The following SMCO2 variants were observed in gnomAD, a reference collection of about 807,000 sequenced individuals.
SMCO2 encodes the protein single-pass membrane protein with coiled-coil domains 2.
SMCO2 carries 25 observed loss-of-function variants against 29.5 expected under a neutral mutation model. That is an observed-to-expected ratio of 0.85 (90% CI 0.62 to 1.18). SMCO2 has a LOEUF of 1.18. Ranked by LOEUF, SMCO2 falls within the 50% of genes most tolerant of loss-of-function variation. SMCO2 has a pLI of 0.00. For missense variants in SMCO2, 348 were observed against 344.5 expected, an observed-to-expected ratio of 1.01 and a Z score of -0.08; for synonymous variants, 117 against 123.3, an observed-to-expected ratio of 0.95 and a Z score of 0.34.
the SMCO2 span, among the ~76,000 whole-genome samples, chr12:27,445,751 G>C: frequency 6.6e-6 from 1 of 152,174 alleles, no homozygotes; most frequent in Non-Finnish European, 1.5e-5. Context: ...AAATACCACA[G>C]AGTGGGTGGC....
At chr12:27,426,480 T>C in the SMCO2 span, among the ~76,000 whole-genome samples, 1 of 152,190 alleles carries the variant, frequency 6.6e-6, no homozygotes, top group Non-Finnish European at 1.5e-5. Context: ...CCTCAGTTTC[T>C]TCATTCGTAA....
chr12:27,478,523 G>A (rs1281992301), intron 4 of SMCO2, among the ~76,000 whole-genome samples: 1 of 152,220 alleles, frequency 6.6e-6, no homozygotes, highest in Non-Finnish European at 1.5e-5. Context: ...TTCCCAGGCA[G>A]CATGTGCACA....
At chr12:27,470,451 G>A (rs1949531495) in intron 1 of SMCO2, among the ~76,000 whole-genome samples, 171 bp from the exon 2 acceptor site, 1 of 152,026 alleles carries the variant, frequency 6.6e-6, no homozygotes, top group Non-Finnish European at 1.5e-5. Flanking sequence ...ATATACTTGA[G>A]AAGCAAAATC....
chr12:27,458,773 G>A, the SMCO2 span, among the ~76,000 whole-genome samples: 37 of 151,730 alleles, frequency 2.4e-4, no homozygotes, highest in East Asian at 5.6e-3. Context: ...TGTAGTACCA[G>A]TTACTCTGGA....
At chr12:27,450,056 A>G in the SMCO2 span, among the ~76,000 whole-genome samples, 1 of 152,282 alleles carries the variant, frequency 6.6e-6, no homozygotes, top group East Asian at 1.9e-4. Flanking sequence ...ATCTTATCAA[A>G]TGCTGTGCGG....
At chr12:27,460,369 G>C in the SMCO2 span, among the ~76,000 whole-genome samples, 1 of 152,142 alleles carries the variant, frequency 6.6e-6, no homozygotes, top group South Asian at 2.1e-4. Context: ...TAGACCAGAA[G>C]CCTTATCAAT....
intron 4 of SMCO2, among the ~76,000 whole-genome samples, chr12:27,485,143 T>TAA (rs1949678328): frequency 6.6e-6 from 1 of 151,322 alleles, no homozygotes; most frequent in East Asian, 1.9e-4. Context: ...TTTTTTTCTC[T>TAA]CTTTTCTTTC....
chr12:27,444,885 G>T, the SMCO2 span, among the ~76,000 whole-genome samples: 1 of 152,134 alleles, frequency 6.6e-6, no homozygotes, highest in African/African-American at 2.4e-5. Context: ...ATAGCTGCAC[G>T]CCCGTGTTTA....
In SMCO2 at chr12:27,475,570, A is replaced by C. The variant is rs939341933; in HGVS notation, c.362+657A>C. On this transcript the variant is annotated intron_variant, in intron 4 of 7. Transcript: ENST00000298876. Reference sequence around the variant, plus strand: ...TTCTGCTTTGAAAATGATCACCATAATATTTCCGCAGGTGTCTGAAGGGCA... The same window carrying C: ...TTCTGCTTTGAAAATGATCACCATACTATTTCCGCAGGTGTCTGAAGGGCA... 6.6e-6 allele frequency: 10 copies of C among 1,516,960 alleles called. No homozygotes were observed. Among genetic ancestry groups the C allele is most frequent in the Non-Finnish European group, 8.8e-6 (10 of 1,136,558 alleles). 94.0% of individuals were successfully genotyped at this position (1,516,960 alleles called of 1,614,324 possible).
chr12:27,457,507 T>A, the SMCO2 span, among the ~76,000 whole-genome samples: 1 of 152,212 alleles, frequency 6.6e-6, no homozygotes, highest in Non-Finnish European at 1.5e-5. Flanking sequence ...TTTCACAGTA[T>A]CAGAACCACT....
At chr12:27,464,410 A>G (rs1441591310), upstream of SMCO2, among the ~76,000 whole-genome samples, 4 of 152,004 alleles carry the variant, frequency 2.6e-5, no homozygotes, top group African/African-American at 4.8e-5. Context: ...TTTGGAGTTA[A>G]CCAGAGACTC....
rs114861679 is a variant in SMCO2, at chr12:27,488,278, T to C, written c.363-182T>C. Among the ~76,000 whole-genome samples, 1,204 of 152,322 alleles carry C rather than the reference T, an allele frequency of 7.9e-3. 18 individuals are homozygous for C. The highest frequency in any genetic ancestry group is 0.027 in the African/African-American group (1,126 of 41,558). On this transcript the variant is annotated intron_variant, in intron 4 of 7. Transcript: ENST00000298876. The stretch of plus-strand genomic sequence containing the variant: ...TAGGCCTCATATCTCTTTAATATTA[T>C]CTAGATTACTTAGAGTACTTTTTAC...
intron 1 of SMCO2, among the ~76,000 whole-genome samples, chr12:27,468,016 T>C (rs1949511488): frequency 6.6e-6 from 1 of 152,230 alleles, no homozygotes; most frequent in South Asian, 2.1e-4. Context: ...TTGGCAAGTG[T>C]CTGCTATTTA....
the SMCO2 span, among the ~76,000 whole-genome samples, chr12:27,437,402 AG>A: frequency 8.5e-5 from 13 of 152,152 alleles, no homozygotes; most frequent in African/African-American, 3.1e-4. Context: ...GACGATGTCC[AG>A]TTTGGACTTT....
chr12:27,471,163 T>G (rs1239724480), intron 2 of SMCO2, among the ~76,000 whole-genome samples: 1 of 152,208 alleles, frequency 6.6e-6, no homozygotes, highest in African/African-American at 2.4e-5. Flanking sequence ...CTAGTTTAGC[T>G]ATGATCAACA....
At chr12:27,449,112 A>G in the SMCO2 span, among the ~76,000 whole-genome samples, 1 of 152,128 alleles carries the variant, frequency 6.6e-6, no homozygotes, top group Non-Finnish European at 1.5e-5. Flanking sequence ...ATATGCTCCT[A>G]AGTGTTCTAG....
At chr12:27,428,970 A>T in the SMCO2 span, among the ~76,000 whole-genome samples, 2 of 152,114 alleles carry the variant, frequency 1.3e-5, no homozygotes, top group Non-Finnish European at 2.9e-5. Context: ...AGGGACATGT[A>T]GACGAATATC....
intron 5 of SMCO2, among the ~76,000 whole-genome samples, chr12:27,489,366 A>G (rs1402263220): frequency 6.6e-6 from 1 of 152,108 alleles, no homozygotes; most frequent in Non-Finnish European, 1.5e-5. Flanking sequence ...CCATTTTCTT[A>G]TTAGTAATAG....
chr12:27,472,945 C>T lies in SMCO2; in HGVS notation c.234+70C>T, dbSNP rs77971083. On this transcript the variant is annotated intron_variant, in intron 3 of 7. Transcript: ENST00000298876. ...TAGGTTGAAGAGAAGAACTTCACGC[C>T]GCATATCTTAAAGTGGTAAGAAAAT... 1.6e-3 allele frequency: 1,802 copies of T among 1,139,684 alleles called. 30 individuals are homozygous for T. The African/African-American group carries it at 0.025, about 16-fold the overall frequency. 70.6% of individuals were successfully genotyped at this position (1,139,684 alleles called of 1,614,324 possible).
Sources: gnomAD v4.1 joint callset for allele counts (sites outside exome capture counted in the v4.1 genomes callset) on GRCh38, gnomAD v4.1.1 for gene constraint, MANE v1.5 for transcripts, NCBI Gene and HGNC (gene_info 2026-07-23, HGNC 2026-07-21) for gene names.